TARS2: variants seen among roughly 807,000 people sequenced by gnomAD.
The protein encoded by TARS2 is threonyl-tRNA synthetase 2, mitochondrial.
In TARS2, 61 loss-of-function variants were observed where a neutral mutation model predicts 94.4. The ratio of observed to expected loss-of-function variants is 0.65; its 90% CI spans 0.53 to 0.80. The LOEUF is 0.80. TARS2 is among the 30% of genes least tolerant of loss of function. TARS2 has a pLI of 0.00. For missense variants in TARS2, 704 were observed against 902.5 expected (o/e 0.78, Z 2.82); for synonymous variants, 359 against 353.4 (o/e 1.02, Z -0.18).
chr1:150,498,745 T>C, intron 11 of TARS2, 81 bp downstream of exon 11: 1 of 1,608,314 alleles, frequency 6.2e-7, no homozygotes, highest in Non-Finnish European at 8.5e-7. Flanking sequence ...CTGATCTTTA[T>C]TTGCCCCCTG....
Position 150,497,591 on chromosome 1 carries a change from T to C in TARS2, c.1082T>C (p.Leu361Pro). The C allele has an allele frequency of 1.2e-6, 2 of 1,614,152 alleles. No individual in the cohort carries two copies. The highest frequency in any genetic ancestry group is 1.7e-6 in the Non-Finnish European group (2 of 1,180,030). Residue 361 changes from leucine (L) to proline (P), a missense_variant, in exon 10 of 18, where the codon CTC (leucine) becomes CCC (proline). By Grantham distance (98) the Leu-to-Pro change is moderately conservative. This residue lies in a region of TARS2 where 466 missense variants were observed against 609.5 expected (regional missense o/e 0.76). Coordinates refer to ENST00000369064, the MANE Select transcript of TARS2 (RefSeq NM_025150.5). The stretch of plus-strand genomic sequence containing the variant: ...ACTCCCACACTGTTTTCTACGAAGC[T>C]CTGGGAACAGTCAGGGCACTGGGAG... Reference protein sequence around the residue: ...VKTPTLFSTKLWEQSGHWEHY... With the variant: ...VKTPTLFSTKPWEQSGHWEHY...
intron 3 of TARS2, among the ~76,000 whole-genome samples, chr1:150,489,858 C>T (rs1186532617): frequency 6.6e-6 from 1 of 152,208 alleles, no homozygotes; most frequent in East Asian, 1.9e-4. Context: ...AGGAGAATTG[C>T]TTGAACCCTG....
Position 150,487,997 on chromosome 1 carries a change from A to C in TARS2, c.206A>C (p.Gln69Pro), listed in dbSNP as rs147594896. 1.4e-5 allele frequency: 23 copies of C among 1,613,980 alleles called. No homozygotes were observed. Among genetic ancestry groups the C allele is most frequent in the Non-Finnish European group, 1.8e-5 (21 of 1,180,042 alleles). Residue 69 changes from glutamine (Q) to proline (P), a missense_variant, in exon 2 of 18, where the codon CAG becomes CCG. Gln to Pro is a moderately conservative substitution (Grantham distance 76, BLOSUM62 -1). Around this residue, in one of 3 missense-constraint regions of TARS2, gnomAD observed 208 missense variants for 228.5 expected, o/e 0.91. Transcript: ENST00000369064. ...RTIKISLPGGQKIDAVAWNTT... is the reference protein window; with the variant it reads ...RTIKISLPGGPKIDAVAWNTT... ...ATTAAGATATCACTTCCTGGAGGCCAGAAAATTGATGCTGTGGCATGGAAC... is the reference window on the plus strand; with the variant it reads ...ATTAAGATATCACTTCCTGGAGGCCCGAAAATTGATGCTGTGGCATGGAAC...
Position 150,503,611 on chromosome 1 carries a change from ATATATATGTGTGTG to A in TARS2, c.1618-696_1618-683del, listed in dbSNP as rs1329507486. 4.3e-3 allele frequency among the ~76,000 whole-genome samples: 364 copies of A among 83,722 alleles called. 9 individuals carry two copies. Among genetic ancestry groups the A allele is most frequent in the Middle Eastern group, 0.014 (2 of 144 alleles). 54.9% of individuals were successfully genotyped at this position (83,722 alleles called of 152,430 possible). A position where few individuals can be genotyped will look rare whatever the true frequency, so the allele number is the denominator to read the frequency against. ...TGTGTGTGTGTGTGTGTATGTGTGT[ATATATATGTGTGTG>A]TATATATGTGTGTGTATATATGTGT... is the stretch of plus-strand genomic sequence containing the variant. On this transcript the variant is annotated intron_variant, in intron 13 of 17. Coordinates refer to ENST00000369064, the MANE Select transcript of TARS2 (RefSeq NM_025150.5).
At chr1:150,499,473 C>G (rs1170493569) in intron 13 of TARS2, among the ~76,000 whole-genome samples, 180 bp downstream of exon 13, 1 of 152,078 alleles carries the variant, frequency 6.6e-6, no homozygotes, top group Non-Finnish European at 1.5e-5. Flanking sequence ...AAGCAATTCC[C>G]CTGCCTCAGC....
intron 10 of TARS2, among the ~76,000 whole-genome samples, 164 bp from the exon 11 acceptor site, chr1:150,498,338 A>G (rs1053812497): frequency 2.0e-5 from 3 of 152,310 alleles, no homozygotes; most frequent in South Asian, 2.1e-4. Context: ...CAGGGCTCAG[A>G]CTGTGATGAG....
At position 150,492,375 on chromosome 1, in the gene TARS2, T is replaced by C. The variant is rs375587671; in HGVS notation, c.696-36T>C. The C allele has an allele frequency of 3.9e-4, 619 of 1,605,794 alleles. 6 individuals are homozygous for C. Among genetic ancestry groups the C allele is most frequent in the Non-Finnish European group, 7.8e-5 (92 of 1,172,780 alleles). On this transcript the variant is annotated intron_variant, in intron 6 of 17. Transcript: ENST00000369064. ...AGGGAGAAAGCTAGAAGCTGAAGAT[T>C]CTGAAAATCACTAACTGGCCTCTTC... is the stretch of plus-strand genomic sequence containing the variant.
chr1:150,497,613 G>A lies in TARS2; in HGVS notation c.1104G>A (p.Trp368Ter). Reference sequence around the variant, plus strand: ...AGCTCTGGGAACAGTCAGGGCACTGGGAGCATTATCAGGAAGACATGTTTG... The same window carrying A: ...AGCTCTGGGAACAGTCAGGGCACTGAGAGCATTATCAGGAAGACATGTTTG... Reference protein sequence around the residue: ...STKLWEQSGHWEHYQEDMFAV... With the variant: ...STKLWEQSGH Residue 368 changes from tryptophan (W) to a stop codon, truncating the protein, a stop_gained, in exon 10 of 18, where the codon TGG becomes TGA. Coordinates refer to ENST00000369064, the MANE Select transcript of TARS2 (RefSeq NM_025150.5). LOFTEE classifies it high-confidence loss of function. 6.2e-7 allele frequency: 1 copy of A among 1,614,144 alleles called. No homozygotes were observed.
intron 6 of TARS2, 130 bp downstream of exon 6, chr1:150,491,792 A>AT (rs111455328): frequency 0.044 from 33,687 of 767,104 alleles, 4 homozygotes; most frequent in Non-Finnish European, 0.049. Context: ...ATGGGAATTG[A>AT]TTTTTTTTTT....
chr1:150,505,772 A>G, intron 17 of TARS2, 67 bp downstream of exon 17: 1 of 1,488,316 alleles, frequency 6.7e-7, no homozygotes, highest in African/African-American at 1.4e-5. Flanking sequence ...AAGTTTACCA[A>G]GTCTGGTAAT....
rs964813368 is a variant in TARS2 at position 150,499,283 on chromosome 1, A to G, written c.1607A>G (p.Tyr536Cys). The change falls in exon 13 of 18, where the codon TAT becomes TGT. Residue 536 changes from tyrosine (Y) to cysteine (C), a missense_variant. Tyr to Cys is a radical substitution (Grantham distance 194). This residue lies in a region of TARS2 where 466 missense variants were observed against 609.5 expected (regional missense o/e 0.76). Transcript: ENST00000369064. Reference sequence around the variant, plus strand: ...CTCAACTCTGGAGATGGTGCCTTCTATGGACCTAAGGTAAGCTTGGGACCC... The same window carrying G: ...CTCAACTCTGGAGATGGTGCCTTCTGTGGACCTAAGGTAAGCTTGGGACCC... ...WDLNSGDGAF[Y>C]GPKIDVHLHD... 1.1e-5 allele frequency: 17 copies of G among 1,614,030 alleles called. No homozygotes were observed. Among genetic ancestry groups the G allele is most frequent in the Non-Finnish European group, 1.4e-5 (17 of 1,180,034 alleles).
In TARS2 at chr1:150,492,414, T is replaced by G. The variant is rs1318462623; in HGVS notation, c.699T>G (p.Cys233Trp). 6.2e-7 allele frequency: 1 copy of G among 1,613,862 alleles called. No individual in the cohort carries two copies. The highest frequency in any genetic ancestry group is 8.5e-7 in the Non-Finnish European group (1 of 1,179,940). Reference sequence around the variant, plus strand: ...ACTGGCCTCTTCTTTCTCCTAGGTGTGGCACATTGGTTGACCTTTGCCAGG... The same window carrying G: ...ACTGGCCTCTTCTTTCTCCTAGGTGGGGCACATTGGTTGACCTTTGCCAGG... Reference protein sequence around the residue: ...VTGPTATVYGCGTLVDLCQGP... With the variant: ...VTGPTATVYGWGTLVDLCQGP... Residue 233 changes from cysteine to tryptophan, a missense_variant, in exon 7 of 18, where the codon TGT (cysteine) becomes TGG (tryptophan). By Grantham distance (215) the Cys-to-Trp change is radical. Coordinates refer to ENST00000369064, the MANE Select transcript of TARS2 (RefSeq NM_025150.5).
At chr1:150,497,434 G>C in intron 9 of TARS2, 96 bp from the exon 10 acceptor site, 1 of 1,178,538 alleles carries the variant, frequency 8.5e-7, no homozygotes, top group Non-Finnish European at 1.2e-6. Context: ...GTTGCAATCA[G>C]CATGGCCTGA....
Position 150,492,437 on chromosome 1 carries a change from A to G in TARS2, c.722A>G (p.Gln241Arg), listed in dbSNP as rs182013142. ...YGCGTLVDLC[Q>R]GPHLRHTGQI... ...TGTGGCACATTGGTTGACCTTTGCCAGGGCCCCCACCTTCGGCATACTGGA... is the reference window on the plus strand; with the variant it reads ...TGTGGCACATTGGTTGACCTTTGCCGGGGCCCCCACCTTCGGCATACTGGA... Residue 241 changes from glutamine (Q) to arginine (R), a missense_variant, in exon 7 of 18, where the codon CAG (glutamine) becomes CGG (arginine). Transcript: ENST00000369064. 8.0e-5 allele frequency: 129 copies of G among 1,613,992 alleles called. No individual in the cohort carries two copies. The East Asian group carries it at 2.8e-3, about 35-fold the overall frequency.
chr1:150,488,359 T>C (rs966539315), intron 2 of TARS2: 2 of 258,622 alleles, frequency 7.7e-6, no homozygotes, highest in Non-Finnish European at 7.4e-6. Context: ...TCTGTATTAG[T>C]TTCTGCATCA....
chr1:150,497,677 C>A lies in TARS2; in HGVS notation c.1168C>A (p.Gln390Lys), dbSNP rs911755193. 1.2e-6 allele frequency: 2 copies of A among 1,614,072 alleles called. No homozygotes were observed. The highest frequency in any genetic ancestry group is 1.3e-5 in the African/African-American group (1 of 74,934). ...AGGCTCTGACAGGCCTCCCAGCTCC[C>A]AGAGTGACGATTCTACCAGGCATAT... ...PPGSDRPPSS[Q>K]SDDSTRHITD... Residue 390 changes from glutamine to lysine, a missense_variant, in exon 10 of 18, where the codon CAG becomes AAG. Physicochemically the swap from Gln to Lys is moderately conservative, Grantham distance 53. Around this residue, in one of 3 missense-constraint regions of TARS2, gnomAD observed 466 missense variants for 609.5 expected, o/e 0.76. Coordinates refer to ENST00000369064, the MANE Select transcript of TARS2 (RefSeq NM_025150.5).
intron 13 of TARS2, among the ~76,000 whole-genome samples, chr1:150,501,306 T>A (rs1351538101): frequency 3.4e-5 from 3 of 89,386 alleles, no homozygotes; most frequent in Non-Finnish European, 7.3e-5. Context: ...AAAAAAATTT[T>A]TTTTTTTTTT....
At chr1:150,496,098 C>T (rs12731738) in intron 7 of TARS2, among the ~76,000 whole-genome samples, 33,663 of 152,076 alleles carry the variant, frequency 0.22, 4,246 homozygotes, top group African/African-American at 0.32. Context: ...GTATAGAAGA[C>T]TGACTTTTCT....
At chr1:150,501,195 C>T (rs2102500120) in intron 13 of TARS2, among the ~76,000 whole-genome samples, 1 of 151,146 alleles carries the variant, frequency 6.6e-6, no homozygotes, top group Non-Finnish European at 1.5e-5. Context: ...AATCCCAGCA[C>T]TTAGGGAGGC....
Sources: gnomAD v4.1 joint callset for allele counts (sites outside exome capture counted in the v4.1 genomes callset) on GRCh38, gnomAD v4.1.1 for gene constraint, gnomAD v4.1.1 regional missense constraint, MANE v1.5 for transcripts, NCBI Gene and HGNC (gene_info 2026-07-23, HGNC 2026-07-21) for gene names.